The following NTF3 variants were observed in gnomAD, a reference collection of about 807,000 sequenced individuals.
NTF3 encodes neurotrophin 3.
NTF3 carries 8 observed loss-of-function variants against 26.3 expected under a neutral mutation model. The ratio of observed to expected loss-of-function variants is 0.30; its 90% CI spans 0.18 to 0.55. The LOEUF (loss-of-function observed/expected upper bound fraction) is 0.55. Ranked by LOEUF, NTF3 falls within the 20% of genes least tolerant of loss-of-function variation. NTF3 has a pLI of 0.93. For missense variants in NTF3, 276 were observed against 352.9 expected (o/e 0.78, Z 1.75); for synonymous variants, 154 against 145.5 (o/e 1.06, Z -0.42).
chr12:5,434,863 G>C (rs901830303), intron 1 of NTF3, among the ~76,000 whole-genome samples: 11 of 152,026 alleles, frequency 7.2e-5, no homozygotes, highest in Non-Finnish European at 1.0e-4. Flanking sequence ...TGAGGAGCAC[G>C]GGGTTTGAAC....
Position 5,464,696 on chromosome 12 carries a change from G to C in NTF3, c.19-29498G>C, listed in dbSNP as rs532555676. ...GAACCTCTGATCTAGAGAAGATTCT[G>C]TGTCATCACAGCTCAGGGTGACCAT... On this transcript the variant is annotated intron_variant, in intron 1 of 1. Coordinates refer to ENST00000423158, the MANE Select transcript of NTF3 (RefSeq NM_001102654.2). 4.6e-5 allele frequency among the ~76,000 whole-genome samples: 7 copies of C among 152,280 alleles called. No homozygotes were observed. The South Asian group carries it at 1.2e-3, about 27-fold the overall frequency.
chr12:5,448,144 T>G (rs980429069), intron 1 of NTF3, among the ~76,000 whole-genome samples: 10 of 152,224 alleles, frequency 6.6e-5, no homozygotes, highest in African/African-American at 2.4e-4. Context: ...TGGATCTGGT[T>G]GCAAATCTAA....
chr12:5,434,211 C>T (rs1344835136), intron 1 of NTF3, among the ~76,000 whole-genome samples: 3 of 152,142 alleles, frequency 2.0e-5, no homozygotes, highest in Non-Finnish European at 4.4e-5. Flanking sequence ...CTGCCTTGGG[C>T]GCAAACACAC....
chr12:5,479,717 TGG>T (rs1352814467), intron 1 of NTF3, among the ~76,000 whole-genome samples: 2 of 152,206 alleles, frequency 1.3e-5, no homozygotes, highest in Non-Finnish European at 2.9e-5. Flanking sequence ...CCCAAAAAGC[TGG>T]AGATGTAAGT....
rs548856279 is a variant in NTF3, at chr12:5,464,395, C to A, written c.19-29799C>A. Reference sequence around the variant, plus strand: ...CAGTGGTTGGACTTTCAATTTTTCACCTTATAATGGTGCAAAAGTGATGGG... The same window carrying A: ...CAGTGGTTGGACTTTCAATTTTTCAACTTATAATGGTGCAAAAGTGATGGG... On this transcript the variant is annotated intron_variant, in intron 1 of 1. Coordinates refer to ENST00000423158, the MANE Select transcript of NTF3 (RefSeq NM_001102654.2). 2.6e-5 allele frequency among the ~76,000 whole-genome samples: 4 copies of A among 152,290 alleles called. No individual in the cohort carries two copies. In the East Asian group the frequency reaches 5.8e-4, roughly 22 times the overall value.
At chr12:5,477,420 T>C (rs1159588468) in intron 1 of NTF3, among the ~76,000 whole-genome samples, 2 of 150,888 alleles carry the variant, frequency 1.3e-5, no homozygotes, top group African/African-American at 4.9e-5. Context: ...CTAACCTGAA[T>C]TGAGCTAGTC....
At position 5,495,118 on chromosome 12, in the gene NTF3, T is replaced by C; in HGVS notation, c.*130T>C. ...TTATTAAACTTCAGCAACCCTACAG[T>C]ATATAAGCTTTTTTCTCAATAAAAT... On this transcript the variant is annotated 3_prime_UTR_variant, in exon 2 of 2. Transcript: ENST00000423158. 1 of 980,314 alleles carries C rather than the reference T, an allele frequency of 1.0e-6. No individual in the cohort carries two copies. Among genetic ancestry groups the C allele is most frequent in the Non-Finnish European group, 1.5e-6 (1 of 672,536 alleles). 60.7% of individuals were successfully genotyped at this position (980,314 alleles called of 1,614,324 possible).
intron 1 of NTF3, among the ~76,000 whole-genome samples, chr12:5,445,210 A>C (rs1940288656): frequency 6.6e-6 from 1 of 151,968 alleles, no homozygotes; most frequent in Non-Finnish European, 1.5e-5. Flanking sequence ...GACAGATGAT[A>C]AAGTTTCTTG....
chr12:5,461,523 T>G (rs1318312708), intron 1 of NTF3, among the ~76,000 whole-genome samples: 1 of 152,172 alleles, frequency 6.6e-6, no homozygotes, highest in Non-Finnish European at 1.5e-5. Flanking sequence ...CCGGCCTGCC[T>G]AAACCCTGAA....
chr12:5,446,631 A>T (rs535812794), intron 1 of NTF3, among the ~76,000 whole-genome samples: 3 of 152,378 alleles, frequency 2.0e-5, no homozygotes, highest in African/African-American at 4.8e-5. Flanking sequence ...AGGCTAAAAA[A>T]ATCAAGACCT....
intron 1 of NTF3, among the ~76,000 whole-genome samples, chr12:5,486,952 T>G (rs952812439): frequency 6.6e-6 from 1 of 151,912 alleles, no homozygotes; most frequent in East Asian, 1.9e-4. Context: ...CACACATGTA[T>G]GCACAGTGGT....
rs1940126898 is a variant in NTF3 at position 5,433,458 on chromosome 12, G to GGGGCGAA, written c.18+1118_18+1119insGCGAAGG. Reference sequence around the variant, plus strand: ...TGAAGGTTAGGGACAGGAGGGGCGAGGGCCGAGGGCATGGGATGGGGGAGT... The same window carrying GGGGCGAA: ...TGAAGGTTAGGGACAGGAGGGGCGAGGGGCGAAGGCCGAGGGCATGGGATGGGGGAGT... On this transcript the variant is annotated intron_variant, in intron 1 of 1. Coordinates refer to ENST00000423158, the MANE Select transcript of NTF3 (RefSeq NM_001102654.2). This position sits in a 1 kb window ranked among gnomAD's most constrained non-coding sequence, Gnocchi z 4.6. The GGGGCGAA allele has an allele frequency of 6.6e-6, 1 of 152,340 alleles. No homozygotes were observed. Among genetic ancestry groups the GGGGCGAA allele is most frequent in the African/African-American group, 2.4e-5 (1 of 41,386 alleles). The allele number at this position is 152,340 out of a possible 1,614,324, so 9.4% of individuals were successfully genotyped here.
Position 5,494,639 on chromosome 12 carries a change from A to C in NTF3, c.464A>C (p.His155Pro). The C allele has an allele frequency of 1.1e-5, 17 of 1,614,156 alleles. No individual in the cohort carries two copies. Among genetic ancestry groups the C allele is most frequent in the Non-Finnish European group, 1.4e-5 (17 of 1,180,044 alleles). Residue 155 changes from histidine (H) to proline (P), a missense_variant, in exon 2 of 2, where the codon CAT becomes CCT. Around this residue, in one of 3 missense-constraint regions of NTF3, gnomAD observed 221 missense variants for 258.2 expected, o/e 0.86. Transcript: ENST00000423158. This position sits in a 1 kb window ranked among gnomAD's most constrained non-coding sequence, Gnocchi z 8.3. ...RTSRRKRYAEHKSHRGEYSVC... is the reference protein window; with the variant it reads ...RTSRRKRYAEPKSHRGEYSVC... ...TCACGGCGGAAACGGTACGCGGAGC[A>C]TAAGAGTCACCGAGGGGAGTACTCG...
intron 1 of NTF3, among the ~76,000 whole-genome samples, chr12:5,453,667 C>T (rs1338439536): frequency 6.6e-6 from 1 of 152,192 alleles, no homozygotes; most frequent in Admixed American, 6.5e-5. Context: ...TCGCATTTGC[C>T]TAGTCTCATG....
rs55994341 is a variant in NTF3 at position 5,445,300 on chromosome 12, ATG to A, written c.18+12994_18+12995del. Among the ~76,000 whole-genome samples, 30 of 60,912 alleles carry A rather than the reference ATG, an allele frequency of 4.9e-4. 1 individual carries two copies. Among genetic ancestry groups the A allele is most frequent in the African/African-American group, 1.2e-3 (30 of 24,212 alleles). 40.0% of individuals were successfully genotyped at this position (60,912 alleles called of 152,430 possible). On this transcript the variant is annotated intron_variant, in intron 1 of 1. Transcript: ENST00000423158. ...CTTGGATTAAATGATGTGTGTGTGTATGTGTGTGTGTGTGTGTGTGTGTGTGT... is the reference window on the plus strand; with the variant it reads ...CTTGGATTAAATGATGTGTGTGTGTATGTGTGTGTGTGTGTGTGTGTGTGT...
intron 1 of NTF3, among the ~76,000 whole-genome samples, chr12:5,438,166 A>G (rs2121139261): frequency 6.6e-6 from 1 of 152,294 alleles, no homozygotes; most frequent in East Asian, 1.9e-4. Context: ...ACAAAAAAAA[A>G]AAAAGTCTTT....
At chr12:5,485,648 G>A (rs925157354) in intron 1 of NTF3, among the ~76,000 whole-genome samples, 1 of 152,316 alleles carries the variant, frequency 6.6e-6, no homozygotes, top group Middle Eastern at 3.4e-3. Flanking sequence ...ACAGCCTGAG[G>A]TTCAGAGTGT....
At chr12:5,432,083 T>C (rs982691988), upstream of NTF3, 1 of 562,982 alleles carries the variant, frequency 1.8e-6, no homozygotes, top group Non-Finnish European at 3.3e-6. Flanking sequence ...TGGCTGGTTA[T>C]AACCGCGCAG....
chr12:5,474,351 T>C (rs1342885344), intron 1 of NTF3, among the ~76,000 whole-genome samples: 1 of 152,214 alleles, frequency 6.6e-6, no homozygotes, highest in African/African-American at 2.4e-5. Context: ...AGACGTGATG[T>C]ATGAGCAGGC....
Sources: gnomAD v4.1 joint callset for allele counts (sites outside exome capture counted in the v4.1 genomes callset) on GRCh38, gnomAD v4.1.1 for gene constraint, gnomAD v4.1.1 regional missense constraint, Gnocchi (gnomAD v3.1) non-coding constraint, MANE v1.5 for transcripts, NCBI Gene and HGNC (gene_info 2026-07-23, HGNC 2026-07-21) for gene names.